HEY2: variants seen among roughly 807,000 people sequenced by gnomAD.
The protein encoded by HEY2 is hes related family bHLH transcription factor with YRPW motif 2, also known as hairy/enhancer-of-split related with YRPW motif protein 2.
Under a neutral mutation model 18.1 loss-of-function variants are expected in HEY2, and 10 were observed. The observed-to-expected ratio is 0.55, with a 90% CI of 0.34 to 0.94. The LOEUF (loss-of-function observed/expected upper bound fraction) is 0.94, where lower values mean the gene tolerates loss of function less well. Ranked by LOEUF, HEY2 falls within the 40% of genes least tolerant of loss-of-function variation. The pLI, the probability that HEY2 is intolerant of heterozygous loss-of-function variation, is 0.02. For missense variants in HEY2, 455 were observed against 455.9 expected, an observed-to-expected ratio of 1.00 and a Z score of 0.02; for synonymous variants, 210 against 182.7, an observed-to-expected ratio of 1.15 and a Z score of -1.21.
intron 4 of HEY2, among the ~76,000 whole-genome samples, chr6:125,755,201 G>A (rs1773631332): frequency 6.6e-6 from 1 of 152,084 alleles, no homozygotes; most frequent in South Asian, 2.1e-4. Flanking sequence ...CCCTAGAGAG[G>A]TGTCCTCTGT....
In HEY2 at chr6:125,759,564, C is replaced by G; in HGVS notation, c.776C>G (p.Ser259Cys). 1 of 1,610,938 alleles carries G rather than the reference C, an allele frequency of 6.2e-7. No individual in the cohort carries two copies. Among genetic ancestry groups the G allele is most frequent in the Non-Finnish European group, 8.5e-7 (1 of 1,179,876 alleles). ...CCACCTCTCTCCACCTCTCTCTTGTCCCTCTCTGCCACCGTCCACGCCGCA... is the reference window on the plus strand; with the variant it reads ...CCACCTCTCTCCACCTCTCTCTTGTGCCTCTCTGCCACCGTCCACGCCGCA... ...CVPPLSTSLL[S>C]LSATVHAAAA... The change falls in exon 5 of 5, where the codon TCC becomes TGC. Residue 259 changes from serine to cysteine, a missense_variant. Ser to Cys is a moderately radical substitution (Grantham distance 112). Coordinates refer to ENST00000368364, the MANE Select transcript of HEY2 (RefSeq NM_012259.3).
chr6:125,756,799 C>T (rs1773670499), intron 4 of HEY2, among the ~76,000 whole-genome samples: 1 of 152,142 alleles, frequency 6.6e-6, no homozygotes, highest in African/African-American at 2.4e-5. Context: ...AGTGTCCATA[C>T]TATATAACTC....
Position 125,759,209 on chromosome 6 carries a change from G to A in HEY2, c.421G>A (p.Glu141Lys). 1 of 1,613,204 alleles carries A rather than the reference G, an allele frequency of 6.2e-7. No individual in the cohort carries two copies. The highest frequency in any genetic ancestry group is 8.5e-7 in the Non-Finnish European group (1 of 1,180,026). The change falls in exon 5 of 5, where the codon GAA (glutamate) becomes AAA (lysine). Residue 141 changes from glutamate (E) to lysine (K), a missense_variant. Coordinates refer to ENST00000368364, the MANE Select transcript of HEY2 (RefSeq NM_012259.3). ...TEVARYLSSVEGLDSSDPLRV... is the reference protein window; with the variant it reads ...TEVARYLSSVKGLDSSDPLRV... ...AGTTGCGCGGTACCTGAGCTCCGTG[G>A]AAGGCCTGGACTCCTCGGATCCGCT... is the stretch of plus-strand genomic sequence containing the variant.
Position 125,752,201 on chromosome 6 carries a change from A to G in HEY2, c.246+111A>G, listed in dbSNP as rs1773559493. ...GGAATGTGGGTTCTTGTTAAAGCTC[A>G]TTAAAATAATAGTGTATGTGCCCTG... On this transcript the variant is annotated intron_variant, in intron 3 of 4. Transcript: ENST00000368364. 20 of 665,922 alleles carry G rather than the reference A, an allele frequency of 3.0e-5. No homozygotes were observed. The South Asian group carries it at 3.3e-4, about 11-fold the overall frequency. 41.3% of individuals were successfully genotyped at this position (665,922 alleles called of 1,614,324 possible).
In HEY2 at chr6:125,759,887, T is replaced by TACAG. The variant is rs1306809370; in HGVS notation, c.*87_*90dup. On this transcript the variant is annotated 3_prime_UTR_variant, in exon 5 of 5. Transcript: ENST00000368364. ...AACCTCTGCACCCTGAAGGTAGCCA[T>TACAG]ACAGATGCCGACAGATCCACAAAGG... 2.8e-6 allele frequency: 3 copies of TACAG among 1,078,492 alleles called. No homozygotes were observed. Among genetic ancestry groups the TACAG allele is most frequent in the Non-Finnish European group, 4.1e-6 (3 of 738,350 alleles). 66.8% of individuals were successfully genotyped at this position (1,078,492 alleles called of 1,614,324 possible).
At position 125,759,497 on chromosome 6, in the gene HEY2, G is replaced by C; in HGVS notation, c.709G>C (p.Ala237Pro). The C allele has an allele frequency of 6.2e-7, 1 of 1,611,292 alleles. No homozygotes were observed. The highest frequency in any genetic ancestry group is 8.5e-7 in the Non-Finnish European group (1 of 1,179,990). The change falls in exon 5 of 5, where the codon GCC (alanine) becomes CCC (proline). Residue 237 changes from alanine to proline, a missense_variant. By Grantham distance (27) the Ala-to-Pro change is conservative. Coordinates refer to ENST00000368364, the MANE Select transcript of HEY2 (RefSeq NM_012259.3). ...LTATFAHADS[A>P]LRMPSTGSVA... ...GGCCACGTTTGCCCATGCGGATTCA[G>C]CCCTCCGAATGCCATCCACGGGCAG...
At chr6:125,756,396 C>T (rs990006588) in intron 4 of HEY2, among the ~76,000 whole-genome samples, 2 of 151,998 alleles carry the variant, frequency 1.3e-5, no homozygotes, top group African/African-American at 2.4e-5. Flanking sequence ...GGAGAAATCC[C>T]GTTTCTACTA....
intron 3 of HEY2, among the ~76,000 whole-genome samples, chr6:125,753,707 A>T (rs1773596258): frequency 6.6e-6 from 1 of 152,192 alleles, no homozygotes; most frequent in Non-Finnish European, 1.5e-5. Context: ...GAAAGCAGGG[A>T]CATAAAAATA....
Position 125,759,795 on chromosome 6 carries a change from C to T in HEY2, c.1007C>T (p.Ala336Val). ...PYRPWGTEVG[A>V]F The stretch of plus-strand genomic sequence containing the variant: ...CGACCCTGGGGGACAGAAGTTGGAG[C>T]TTTTTAAATTTTTCTTGAACTTCTT... The change falls in exon 5 of 5, where the codon GCT becomes GTT. Residue 336 changes from alanine (A) to valine (V), a missense_variant. By Grantham distance (64) the Ala-to-Val change is moderately conservative. Transcript: ENST00000368364. 8 of 1,612,742 alleles carry T rather than the reference C, an allele frequency of 5.0e-6. No homozygotes were observed. Among genetic ancestry groups the T allele is most frequent in the East Asian group, 2.2e-5 (1 of 44,870 alleles).
chr6:125,754,638 T>G (rs1212198900), intron 4 of HEY2, 92 bp downstream of exon 4: 1 of 621,292 alleles, frequency 1.6e-6, no homozygotes, highest in Non-Finnish European at 2.7e-6. Context: ...AAGTCATAGC[T>G]GAACAGTTCT....
At chr6:125,752,161 T>C in intron 3 of HEY2, 71 bp downstream of exon 3, 1 of 735,328 alleles carries the variant, frequency 1.4e-6, no homozygotes, top group East Asian at 3.4e-5. Flanking sequence ...AAACACAATC[T>C]GATTCGCTCA....
intron 4 of HEY2, among the ~76,000 whole-genome samples, chr6:125,758,563 G>C (rs1773714159): frequency 1.3e-5 from 2 of 152,154 alleles, no homozygotes; most frequent in African/African-American, 4.8e-5. Flanking sequence ...AACATTGTTA[G>C]TCAAGAAGCA....
Position 125,760,625 on chromosome 6 carries a change from C to G in HEY2, c.*823C>G, listed in dbSNP as rs1773782535. 3 of 152,040 alleles carry G rather than the reference C, an allele frequency of 2.0e-5. No homozygotes were observed. In the South Asian group the frequency reaches 6.2e-4, roughly 31 times the overall value. 9.4% of individuals were successfully genotyped at this position (152,040 alleles called of 1,614,324 possible). ...TATATAGTGCACCTATGAGCAGTTGCCTACCATGTGTCCACCAGAGGCTAT... is the reference window on the plus strand; with the variant it reads ...TATATAGTGCACCTATGAGCAGTTGGCTACCATGTGTCCACCAGAGGCTAT... On this transcript the variant is annotated 3_prime_UTR_variant, in exon 5 of 5. Coordinates refer to ENST00000368364, the MANE Select transcript of HEY2 (RefSeq NM_012259.3).
intron 4 of HEY2, among the ~76,000 whole-genome samples, chr6:125,756,662 A>G (rs1773666527): frequency 6.6e-6 from 1 of 152,222 alleles, no homozygotes; most frequent in African/African-American, 2.4e-5. Context: ...GGTGAAGGGC[A>G]TCGTATCTGT....
chr6:125,754,564 T>C lies in HEY2; in HGVS notation c.328+18T>C, dbSNP rs1283128392. 2 of 49,624 alleles carry C rather than the reference T, an allele frequency of 4.0e-5. No homozygotes were observed. Among genetic ancestry groups the C allele is most frequent in the East Asian group, 2.4e-3 (1 of 416 alleles). 3.1% of individuals were successfully genotyped at this position (49,624 alleles called of 1,614,324 possible). Reference sequence around the variant, plus strand: ...GGGTAAAGGTAAGTAGATGACTTCATTTTTTTTTTTTTTTGCCTTTTTTAC... The same window carrying C: ...GGGTAAAGGTAAGTAGATGACTTCACTTTTTTTTTTTTTTGCCTTTTTTAC... On this transcript the variant is annotated intron_variant, in intron 4 of 4. Transcript: ENST00000368364.
intron 3 of HEY2, among the ~76,000 whole-genome samples, chr6:125,753,998 A>G (rs1773602413): frequency 6.6e-6 from 1 of 152,162 alleles, no homozygotes; most frequent in Non-Finnish European, 1.5e-5. Context: ...GGAGTTTTCT[A>G]TTTTAAAAAT....
rs9398786 is a variant in HEY2 at position 125,752,361 on chromosome 6, T to C, written c.246+271T>C. Among the ~76,000 whole-genome samples, 212 of 152,054 alleles carry C rather than the reference T, an allele frequency of 1.4e-3. 1 individual carries two copies. The East Asian group carries it at 0.035, about 25-fold the overall frequency. ...CCTTAAGGGTAACAGTGTTCATGCT[T>C]TCTCTGTTCTTTCTATGAATACCAG... On this transcript the variant is annotated intron_variant, in intron 3 of 4. Transcript: ENST00000368364.
intron 4 of HEY2, among the ~76,000 whole-genome samples, chr6:125,756,247 T>C (rs1397275549): frequency 1.3e-5 from 2 of 152,136 alleles, no homozygotes; most frequent in African/African-American, 4.8e-5. Flanking sequence ...ATTGAAGAGG[T>C]CATTGCACTG....
rs985283200 is a variant in HEY2 at position 125,760,535 on chromosome 6, G to A, written c.*733G>A. 1 of 151,958 alleles carries A rather than the reference G, an allele frequency of 6.6e-6. No individual in the cohort carries two copies. The highest frequency in any genetic ancestry group is 2.4e-5 in the African/African-American group (1 of 41,338). The allele number at this position is 151,958 out of a possible 1,614,324, so 9.4% of individuals were successfully genotyped here. ...ACAAGCATTTCTGCTCTGCCTGCAG[G>A]CCCCCAGGCACTTTTTTTTTTGGAT... On this transcript the variant is annotated 3_prime_UTR_variant, in exon 5 of 5. Coordinates refer to ENST00000368364, the MANE Select transcript of HEY2 (RefSeq NM_012259.3).
Sources: gnomAD v4.1 joint callset for allele counts (sites outside exome capture counted in the v4.1 genomes callset) on GRCh38, gnomAD v4.1.1 for gene constraint, MANE v1.5 for transcripts, NCBI Gene and HGNC (gene_info 2026-07-23, HGNC 2026-07-21) for gene names.